EIPR1: variants seen among roughly 807,000 people sequenced by gnomAD.
The protein encoded by EIPR1 is EARP and GARP complex-interacting protein 1.
A neutral mutation model predicts 48.1 loss-of-function variants in EIPR1; 25 were observed. That is an observed-to-expected ratio of 0.52 (90% CI 0.38 to 0.73). The LOEUF is 0.73. EIPR1 is among the 30% of genes least tolerant of loss of function. The pLI is 0.00. For missense variants in EIPR1, 415 were observed against 506.2 expected, an observed-to-expected ratio of 0.82 and a Z score of 1.73; for synonymous variants, 204 against 201.9, an observed-to-expected ratio of 1.01 and a Z score of -0.09.
At chr2:3,336,200 C>T (rs1300297517) in intron 3 of EIPR1, among the ~76,000 whole-genome samples, 1 of 152,158 alleles carries the variant, frequency 6.6e-6, no homozygotes, top group Non-Finnish European at 1.5e-5. Context: ...GAGAAGAGAT[C>T]GTCTCTAAAA....
At chr2:3,198,275 G>A (rs1380720140) in intron 5 of EIPR1, among the ~76,000 whole-genome samples, 3 of 152,242 alleles carry the variant, frequency 2.0e-5, no homozygotes, top group Non-Finnish European at 4.4e-5. Context: ...GCCACTGGGA[G>A]GCGTGAGCTA....
chr2:3,274,259 T>A (rs1296228774), intron 3 of EIPR1: 12 of 1,517,256 alleles, frequency 7.9e-6, no homozygotes, highest in Non-Finnish European at 1.1e-5. Context: ...TATCTCCAAG[T>A]ACCATAATTA....
At chr2:3,291,983 G>A (rs939485932) in intron 3 of EIPR1, among the ~76,000 whole-genome samples, 2 of 152,230 alleles carry the variant, frequency 1.3e-5, no homozygotes, top group Non-Finnish European at 2.9e-5. Flanking sequence ...TCCACTCCAG[G>A]GGCACCATGC....
At chr2:3,287,007 G>A (rs974904812) in intron 3 of EIPR1, among the ~76,000 whole-genome samples, 9 of 149,174 alleles carry the variant, frequency 6.0e-5, no homozygotes, top group Middle Eastern at 3.2e-3. Context: ...CGGCAGAGGC[G>A]GCGGTGGGGA....
chr2:3,284,105 G>A (rs551167212), intron 3 of EIPR1, among the ~76,000 whole-genome samples: 23 of 152,308 alleles, frequency 1.5e-4, no homozygotes, highest in Non-Finnish European at 2.8e-4. Flanking sequence ...ACAGAAGGCC[G>A]CGGCACGGCT....
intron 3 of EIPR1, among the ~76,000 whole-genome samples, chr2:3,287,471 T>G (rs936902984): frequency 4.1e-5 from 6 of 146,296 alleles, no homozygotes; most frequent in Non-Finnish European, 6.0e-5. Flanking sequence ...TCCAGAAAGC[T>G]CGTTCACCAC....
intron 3 of EIPR1, among the ~76,000 whole-genome samples, chr2:3,292,743 T>C (rs1668407805): frequency 6.6e-6 from 1 of 152,158 alleles, no homozygotes; most frequent in Non-Finnish European, 1.5e-5. Flanking sequence ...TACGGCAACT[T>C]CTGCCAAGAT....
intron 3 of EIPR1, among the ~76,000 whole-genome samples, chr2:3,306,882 C>G (rs1018765732): frequency 6.6e-6 from 1 of 151,904 alleles, no homozygotes; most frequent in Admixed American, 6.5e-5. Flanking sequence ...GTTATAGAGT[C>G]AAAAAAGAGA....
At chr2:3,207,380 C>T (rs189509329) in intron 5 of EIPR1, among the ~76,000 whole-genome samples, 18 of 152,350 alleles carry the variant, frequency 1.2e-4, no homozygotes, top group African/African-American at 3.6e-4. Flanking sequence ...GGGCCTCCCC[C>T]GGCTCAGGTC....
chr2:3,327,628 G>A (rs1048575269), intron 3 of EIPR1, among the ~76,000 whole-genome samples: 1 of 138,144 alleles, frequency 7.2e-6, no homozygotes, highest in Non-Finnish European at 1.5e-5. Context: ...TGTGGCAAGA[G>A]TAGCTACAAT....
chr2:3,319,205 T>G (rs1669414872), intron 3 of EIPR1: 2 of 330,618 alleles, frequency 6.0e-6, no homozygotes, highest in South Asian at 4.9e-5. Context: ...ACAAGGCGTA[T>G]TTACAAAATC....
At chr2:3,273,509 T>C (rs1667757769) in intron 3 of EIPR1, among the ~76,000 whole-genome samples, 4 of 138,440 alleles carry the variant, frequency 2.9e-5, no homozygotes, top group Non-Finnish European at 6.1e-5. Context: ...CTGGCATGCA[T>C]AGAAAAATGT....
intron 8 of EIPR1, among the ~76,000 whole-genome samples, chr2:3,190,367 C>A (rs545731647): frequency 2.0e-5 from 3 of 152,224 alleles, no homozygotes; most frequent in African/African-American, 7.2e-5. Flanking sequence ...TTCACCCCCC[C>A]AGCAAGACGG....
intron 3 of EIPR1, among the ~76,000 whole-genome samples, chr2:3,274,054 A>T (rs1667775844): frequency 6.6e-6 from 1 of 152,254 alleles, no homozygotes; most frequent in African/African-American, 2.4e-5. Context: ...ACAGCAGATT[A>T]GAAATAACTG....
chr2:3,310,844 A>C (rs1032256691), intron 3 of EIPR1, among the ~76,000 whole-genome samples: 2 of 152,070 alleles, frequency 1.3e-5, no homozygotes, highest in African/African-American at 4.8e-5. Flanking sequence ...TTACACTGAT[A>C]AATATTTTAT....
At chr2:3,246,595 C>T (rs1377406927) in intron 4 of EIPR1, among the ~76,000 whole-genome samples, 1 of 152,094 alleles carries the variant, frequency 6.6e-6, no homozygotes, top group African/African-American at 2.4e-5. Context: ...GCTCAGATGG[C>T]ACACAGAGAT....
intron 2 of EIPR1, among the ~76,000 whole-genome samples, chr2:3,341,283 C>T (rs1670240088): frequency 6.6e-6 from 1 of 152,014 alleles, no homozygotes; most frequent in Non-Finnish European, 1.5e-5. Context: ...CAGGCAAAAC[C>T]AACTGAGGTA....
At chr2:3,211,867 C>A (rs1404321648) in intron 5 of EIPR1, among the ~76,000 whole-genome samples, 1 of 152,280 alleles carries the variant, frequency 6.6e-6, no homozygotes, top group African/African-American at 2.4e-5. Flanking sequence ...TGAGCACACA[C>A]AGACACAGGA....
chr2:3,210,422 A>C (rs912161881), intron 5 of EIPR1, among the ~76,000 whole-genome samples: 5 of 152,106 alleles, frequency 3.3e-5, no homozygotes, highest in African/African-American at 1.2e-4. Context: ...GGCCTGTCCT[A>C]GTCTGTGTTG....
Sources: gnomAD v4.1 joint callset for allele counts (sites outside exome capture counted in the v4.1 genomes callset) on GRCh38, gnomAD v4.1.1 for gene constraint, MANE v1.5 for transcripts, NCBI Gene and HGNC (gene_info 2026-07-23, HGNC 2026-07-21) for gene names.